CAST: variants seen among roughly 807,000 people sequenced by gnomAD.
The protein encoded by CAST is MIR583 host.
CAST carries 76 observed loss-of-function variants against 119.6 expected under a neutral mutation model. The observed-to-expected ratio is 0.64, with a 90% confidence interval of 0.53 to 0.77. The LOEUF (loss-of-function observed/expected upper bound fraction) is 0.77, where lower values mean the gene tolerates loss of function less well. Among genes scored for constraint, CAST ranks in the 30% least tolerant of loss-of-function variants. The pLI is 0.00. For synonymous variants in CAST, 319 were observed against 331.6 expected, an observed-to-expected ratio of 0.96 and a Z score of 0.41; for missense variants, 953 against 946.5, an observed-to-expected ratio of 1.01 and a Z score of -0.09.
the CAST span, among the ~76,000 whole-genome samples, chr5:96,447,242 T>G: frequency 6.6e-6 from 1 of 152,176 alleles, no homozygotes; most frequent in Admixed American, 6.5e-5. Context: ...CAGTGACAGC[T>G]GAAAGCATGC....
intron 1 of CAST, among the ~76,000 whole-genome samples, chr5:96,608,517 A>G (rs1308872105): frequency 6.6e-6 from 1 of 152,218 alleles, no homozygotes; most frequent in Non-Finnish European, 1.5e-5. Context: ...TACATTAAAA[A>G]AAAGAACTTG....
At chr5:96,210,648 T>G in the CAST span, among the ~76,000 whole-genome samples, 1 of 152,034 alleles carries the variant, frequency 6.6e-6, no homozygotes, top group Non-Finnish European at 1.5e-5. Context: ...ATTAAAAAAT[T>G]TAAAGCTGTT....
the CAST span, among the ~76,000 whole-genome samples, chr5:96,018,526 A>C: frequency 8.5e-5 from 13 of 152,370 alleles, 2 homozygotes; most frequent in African/African-American, 3.1e-4. Flanking sequence ...GAAATTAAAT[A>C]AAAATTGTTG....
the CAST span, among the ~76,000 whole-genome samples, chr5:96,161,047 C>A: frequency 6.6e-6 from 1 of 151,934 alleles, no homozygotes. Context: ...TATTGTTTAC[C>A]TTTCTGTATG....
chr5:96,419,447 CTA>C, the CAST span, among the ~76,000 whole-genome samples: 3 of 148,162 alleles, frequency 2.0e-5, no homozygotes, highest in Admixed American at 6.7e-5. Context: ...CTCTCTCTCT[CTA>C]TATATATATA....
At chr5:96,693,444 A>G (rs1019224086) in intron 2 of CAST, among the ~76,000 whole-genome samples, 1 of 152,232 alleles carries the variant, frequency 6.6e-6, no homozygotes, top group African/African-American at 2.4e-5. Context: ...GACTTTAAGT[A>G]TGTGGGCTTT....
At chr5:96,272,945 A>G in the CAST span, among the ~76,000 whole-genome samples, 1 of 152,226 alleles carries the variant, frequency 6.6e-6, no homozygotes, top group East Asian at 1.9e-4. Context: ...ATGAAAATCA[A>G]TTATTTGATG....
chr5:96,760,174 G>C (rs1376864583), intron 24 of CAST, among the ~76,000 whole-genome samples: 2 of 151,864 alleles, frequency 1.3e-5, no homozygotes, highest in Non-Finnish European at 2.9e-5. Flanking sequence ...AAATATAACG[G>C]TATCAGCTAA....
chr5:96,401,086 CAAAAAAAA>C, the CAST span, among the ~76,000 whole-genome samples: 722 of 70,614 alleles, frequency 0.01, 5 homozygotes, highest in African/African-American at 0.036. Flanking sequence ...GACTCCGTCT[CAAAAAAAA>C]AAAAAAAAAA....
At chr5:96,481,046 A>G in the CAST span, among the ~76,000 whole-genome samples, 1 of 152,106 alleles carries the variant, frequency 6.6e-6, no homozygotes, top group South Asian at 2.1e-4. Flanking sequence ...TACATTTCAC[A>G]CTCTTCTCAG....
At chr5:96,536,623 T>C (rs1329270644) in intron 1 of CAST, among the ~76,000 whole-genome samples, 2 of 152,110 alleles carry the variant, frequency 1.3e-5, no homozygotes, top group African/African-American at 2.4e-5. Context: ...AATCCATGGA[T>C]TTCCAGAGTG....
chr5:95,977,023 A>T, the CAST span, among the ~76,000 whole-genome samples: 1 of 152,136 alleles, frequency 6.6e-6, no homozygotes, highest in Admixed American at 6.5e-5. Flanking sequence ...CATGATGATG[A>T]TGTTAGCTGT....
In CAST at chr5:96,709,008, C is replaced by G. The variant is rs184198728; in HGVS notation, c.210+13101C>G. Among the ~76,000 whole-genome samples the G allele has an allele frequency of 3.6e-3, 542 of 152,000 alleles. 2 individuals are homozygous for G. Among genetic ancestry groups the G allele is most frequent in the African/African-American group, 0.012 (517 of 41,438 alleles). On this transcript the variant is annotated intron_variant, in intron 3 of 31. Transcript: ENST00000675179. ...TTTTTCCCCTATGTTGTAGATCTGC[C>G]TCTACCAAGTGGTTTTTAGTACGTT... is the stretch of plus-strand genomic sequence containing the variant.
the CAST span, among the ~76,000 whole-genome samples, chr5:96,315,011 A>G: frequency 6.6e-6 from 1 of 152,224 alleles, no homozygotes; most frequent in Non-Finnish European, 1.5e-5. Context: ...CAAAGTGGTG[A>G]TCATAAGATT....
At chr5:96,478,035 A>G in the CAST span, among the ~76,000 whole-genome samples, 1 of 152,204 alleles carries the variant, frequency 6.6e-6, no homozygotes, top group African/African-American at 2.4e-5. Flanking sequence ...TTAAGCAGAG[A>G]TATAAGTATA....
At chr5:96,218,745 G>C in the CAST span, among the ~76,000 whole-genome samples, 6,191 of 152,166 alleles carry the variant, frequency 0.041, 441 homozygotes, top group African/African-American at 0.14. Context: ...TATTTCAGAC[G>C]AGCTGGATAG....
At chr5:96,754,797 C>A in intron 22 of CAST, 56 bp downstream of exon 22, 1 of 997,320 alleles carries the variant, frequency 1.0e-6, no homozygotes, top group Non-Finnish European at 1.6e-6. Flanking sequence ...AATTCATACA[C>A]AGAACAAAGG....
chr5:96,584,178 G>A (rs1167905470), intron 1 of CAST, among the ~76,000 whole-genome samples: 1 of 152,166 alleles, frequency 6.6e-6, no homozygotes, highest in Non-Finnish European at 1.5e-5. Context: ...GGATGATCAG[G>A]CATTTGTTAA....
the CAST span, among the ~76,000 whole-genome samples, chr5:96,368,031 A>T: frequency 6.6e-6 from 1 of 151,976 alleles, no homozygotes; most frequent in African/African-American, 2.4e-5. Context: ...ACATAATTTG[A>T]TTATATAAGT....
Sources: allele counts gnomAD v4.1 joint callset (sites outside exome capture counted in the v4.1 genomes callset), GRCh38; gene constraint gnomAD v4.1.1; transcripts MANE v1.5; gene names NCBI Gene and HGNC (gene_info 2026-07-23, HGNC 2026-07-21).